Variants in RAPGEF6 observed in about 807,000 individuals in gnomAD.
The protein encoded by RAPGEF6 is PDZ domain containing guanine nucleotide exchange factor (GEF) 2.
In RAPGEF6, 56 loss-of-function variants were observed where a neutral mutation model predicts 171.4. The ratio of observed to expected loss-of-function variants is 0.33; its 90% CI spans 0.26 to 0.41. The LOEUF (loss-of-function observed/expected upper bound fraction) is 0.41, where lower values mean the gene tolerates loss of function less well. Among genes scored for constraint, RAPGEF6 ranks in the 10% least tolerant of loss-of-function variants. RAPGEF6 has a pLI of 1.00. For synonymous variants in RAPGEF6, 692 were observed against 650.1 expected, an observed-to-expected ratio of 1.06 and a Z score of -0.98; for missense variants, 1,674 against 1,921.4, an observed-to-expected ratio of 0.87 and a Z score of 2.41.
intron 4 of RAPGEF6, among the ~76,000 whole-genome samples, chr5:131,575,034 C>T: frequency 1.3e-5 from 2 of 152,244 alleles, no homozygotes; most frequent in Middle Eastern, 6.8e-3. Context: ...AATTGTCTTA[C>T]CTATCCAGCC....
At chr5:131,616,223 G>A (rs1020911295) in intron 1 of RAPGEF6, among the ~76,000 whole-genome samples, 14 of 152,144 alleles carry the variant, frequency 9.2e-5, no homozygotes, top group Admixed American at 9.2e-4. Flanking sequence ...GAGGTGGGTG[G>A]ACAGCTGCCA....
intron 17 of RAPGEF6, among the ~76,000 whole-genome samples, chr5:131,466,367 CATCA>C (rs1754345179): frequency 6.6e-6 from 1 of 152,170 alleles, no homozygotes. Context: ...GGGCTGCTGA[CATCA>C]TCAGGTTTTT....
In RAPGEF6 at chr5:131,635,094, G is replaced by T; in HGVS notation, c.-64C>A. ...CCCACGCCACAGTTCATTCACACTA[G>T]GTAGCGGGTGCGGTACCTTTCCCCC... On this transcript the variant is annotated 5_prime_UTR_variant, in exon 1 of 28. Transcript: ENST00000509018. 6.7e-7 allele frequency: 1 copy of T among 1,482,832 alleles called. No individual in the cohort carries two copies. 91.9% of individuals were successfully genotyped at this position (1,482,832 alleles called of 1,614,324 possible).
intron 6 of RAPGEF6, among the ~76,000 whole-genome samples, chr5:131,528,195 T>C (rs1347068711): frequency 7.9e-6 from 1 of 125,872 alleles, no homozygotes; most frequent in African/African-American, 3.1e-5. Flanking sequence ...ATATTATAAT[T>C]ATATATATTA....
At chr5:131,458,488 A>C (rs1753679370) in intron 19 of RAPGEF6, among the ~76,000 whole-genome samples, 1 of 152,256 alleles carries the variant, frequency 6.6e-6, no homozygotes, top group Admixed American at 6.5e-5. Context: ...TCTATACAGC[A>C]GTGTGAAAAC....
intron 4 of RAPGEF6, among the ~76,000 whole-genome samples, chr5:131,566,160 A>T (rs1581033451): frequency 6.6e-6 from 1 of 151,886 alleles, no homozygotes; most frequent in African/African-American, 2.4e-5. Flanking sequence ...AAAGAAAGAA[A>T]AAAAAAAAAG....
intron 4 of RAPGEF6, among the ~76,000 whole-genome samples, chr5:131,579,527 C>A (rs1372779819): frequency 6.6e-6 from 1 of 152,218 alleles, no homozygotes; most frequent in Non-Finnish European, 1.5e-5. Flanking sequence ...CTGAGCTAGA[C>A]AGAGTGCTGA....
intron 4 of RAPGEF6, among the ~76,000 whole-genome samples, chr5:131,580,261 C>T (rs1762868064): frequency 6.6e-6 from 1 of 152,216 alleles, no homozygotes; most frequent in Non-Finnish European, 1.5e-5. Flanking sequence ...GCCTCCTCCA[C>T]AGCTGCCGGC....
At position 131,426,713 on chromosome 5, in the gene RAPGEF6, TG is replaced by T; in HGVS notation, c.*552del. 7.9e-6 allele frequency: 1 copy of T among 127,068 alleles called. No individual in the cohort carries two copies. Among genetic ancestry groups the T allele is most frequent in the Middle Eastern group, 4.2e-3 (1 of 240 alleles). The allele number at this position is 127,068 out of a possible 1,614,324, so 7.9% of individuals were successfully genotyped here. On this transcript the variant is annotated 3_prime_UTR_variant, in exon 28 of 28. Coordinates refer to ENST00000509018, the MANE Select transcript of RAPGEF6 (RefSeq NM_016340.6). ...CTGTGTAGATCAAGCATATCACCTCTGTAAAGATGACTTCTGTTTGGTCAGA... is the reference window on the plus strand; with the variant it reads ...CTGTGTAGATCAAGCATATCACCTCTTAAAGATGACTTCTGTTTGGTCAGA...
chr5:131,440,920 C>T (rs1752346787), intron 23 of RAPGEF6, among the ~76,000 whole-genome samples: 1 of 152,086 alleles, frequency 6.6e-6, no homozygotes, highest in African/African-American at 2.4e-5. Flanking sequence ...TCCATAGCCA[C>T]CAAACTAGTC....
rs749201610 is a variant in RAPGEF6, at chr5:131,479,684, T to C, written c.1910A>G (p.Glu637Gly). 1.1e-5 allele frequency: 17 copies of C among 1,613,950 alleles called. 1 individual carries two copies. Among genetic ancestry groups the C allele is most frequent in the Middle Eastern group, 1.6e-4 (1 of 6,082 alleles). ...GATAGAATGGCGATTACTTTTTTTT[T>C]CAGCAATTTTGGGAATATGAGGAAC... The part of the protein sequence containing the change: ...SGVPHIPKIA[E>G]KKSNRHSIQH... The change falls in exon 16 of 28, where the codon GAA (glutamate) becomes GGA (glycine). Residue 637 changes from glutamate to glycine, a missense_variant. Physicochemically the swap from Glu to Gly is moderately conservative, Grantham distance 98. Around this residue, in one of 3 missense-constraint regions of RAPGEF6, gnomAD observed 1,116 missense variants for 1,321.5 expected, o/e 0.84. Transcript: ENST00000509018.
rs529024084 is a variant in RAPGEF6, at chr5:131,491,809, G to T, written c.1731+773C>A. 4.6e-5 allele frequency among the ~76,000 whole-genome samples: 7 copies of T among 152,202 alleles called. No homozygotes were observed. In the South Asian group the frequency reaches 1.5e-3, roughly 32 times the overall value. On this transcript the variant is annotated intron_variant, in intron 14 of 27. Coordinates refer to ENST00000509018, the MANE Select transcript of RAPGEF6 (RefSeq NM_016340.6). ...TCCATCACCCCAGCCCCAACTCCCT[G>T]GTCCGTGGAAAAACTGTCTTCCATA...
chr5:131,463,493 C>T (rs528884873), intron 18 of RAPGEF6: 5 of 180,214 alleles, frequency 2.8e-5, no homozygotes, highest in South Asian at 1.9e-4. Context: ...GCAGGAGAAC[C>T]GCTTGAACCT....
At chr5:131,596,532 G>A (rs1422433212) in intron 3 of RAPGEF6, among the ~76,000 whole-genome samples, 6 of 151,866 alleles carry the variant, frequency 4.0e-5, no homozygotes, top group East Asian at 3.9e-4. Flanking sequence ...TGGACAGATC[G>A]ATAGACCTCA....
At chr5:131,612,058 G>A (rs1030874451) in intron 1 of RAPGEF6, among the ~76,000 whole-genome samples, 16 of 152,076 alleles carry the variant, frequency 1.1e-4, no homozygotes, top group Admixed American at 5.9e-4. Flanking sequence ...TTTTAGAGAC[G>A]GGGTCTCACT....
intron 13 of RAPGEF6, among the ~76,000 whole-genome samples, chr5:131,493,056 T>C (rs31256): frequency 0.77 from 116,660 of 151,512 alleles, 45,184 homozygotes; most frequent in African/African-American, 0.83. Context: ...TATTTATTTA[T>C]TTATTTATTT....
chr5:131,445,035 G>A (rs767481711), intron 22 of RAPGEF6, among the ~76,000 whole-genome samples: 14 of 152,218 alleles, frequency 9.2e-5, no homozygotes, highest in Non-Finnish European at 1.8e-4. Flanking sequence ...TAACTTCGAC[G>A]TACAAAGAAT....
intron 23 of RAPGEF6, 82 bp downstream of exon 23, chr5:131,442,267 C>G (rs564498930): frequency 1.5e-6 from 2 of 1,334,734 alleles, no homozygotes; most frequent in Non-Finnish European, 2.1e-6. Flanking sequence ...AGCTTATCTC[C>G]TGAACATCTG....
chr5:131,511,481 C>CTTTTTTTTTTTTTTTTTTTTTT (rs55782171), intron 7 of RAPGEF6, among the ~76,000 whole-genome samples: 1 of 137,328 alleles, frequency 7.3e-6, no homozygotes, highest in Non-Finnish European at 1.5e-5. Flanking sequence ...AAAAGATCAT[C>CTTTTTTTTTTTTTTTTTTTTTT]TTTTTTTTTT....
Sources: gnomAD v4.1 joint callset for allele counts (sites outside exome capture counted in the v4.1 genomes callset) on GRCh38, gnomAD v4.1.1 for gene constraint, gnomAD v4.1.1 regional missense constraint, MANE v1.5 for transcripts, NCBI Gene and HGNC (gene_info 2026-07-23, HGNC 2026-07-21) for gene names.